The following CDH12 variants were observed in gnomAD, a reference collection of about 807,000 sequenced individuals.
The protein encoded by CDH12 is cadherin 12.
Under a neutral mutation model 74.1 loss-of-function variants are expected in CDH12, and 41 were observed. The ratio of observed to expected loss-of-function variants is 0.55; its 90% CI spans 0.43 to 0.72. The LOEUF (loss-of-function observed/expected upper bound fraction) is 0.72, where lower values mean the gene tolerates loss of function less well. Ranked by LOEUF, CDH12 falls within the 30% of genes least tolerant of loss-of-function variation. The probability of loss-of-function intolerance (pLI) is 0.00; values close to 1 mark genes in which losing one functional copy is unlikely to be tolerated. For missense variants in CDH12, 945 were observed against 977.2 expected (o/e 0.97, Z 0.44); for synonymous variants, 399 against 355.0 (o/e 1.12, Z -1.39).
chr5:21,871,769 C>T lies in CDH12; in HGVS notation c.527-16979G>A, dbSNP rs536507795. Among the ~76,000 whole-genome samples the T allele has an allele frequency of 2.0e-5, 3 of 152,162 alleles. No homozygotes were observed. In the East Asian group the frequency reaches 5.8e-4, roughly 29 times the overall value. ...AAAATAATGCAAATACCTACATACT[C>T]AATCTCTGTTCTCCTGCACCACGTG... On this transcript the variant is annotated intron_variant, in intron 6 of 14. Transcript: ENST00000382254.
At chr5:22,259,946 C>T (rs1467936420) in intron 3 of CDH12, among the ~76,000 whole-genome samples, 5 of 151,886 alleles carry the variant, frequency 3.3e-5, no homozygotes, top group East Asian at 1.9e-4. Context: ...ATTTACCATA[C>T]TGAAGAAAAA....
chr5:21,893,271 A>T (rs1367524732), intron 6 of CDH12, among the ~76,000 whole-genome samples: 1 of 152,146 alleles, frequency 6.6e-6, no homozygotes, highest in Non-Finnish European at 1.5e-5. Flanking sequence ...GGTTGAGGGA[A>T]AAAGAGGGGA....
intron 1 of CDH12, among the ~76,000 whole-genome samples, chr5:22,530,850 A>T (rs781628254): frequency 1.1e-4 from 17 of 152,080 alleles, no homozygotes; most frequent in Admixed American, 7.2e-4. Flanking sequence ...CTGAACAAGG[A>T]CTATCAATCT....
chr5:21,972,535 A>G (rs10055635), intron 6 of CDH12, among the ~76,000 whole-genome samples: 2,211 of 152,274 alleles, frequency 0.015, 54 homozygotes, highest in African/African-American at 0.049. Flanking sequence ...GCAGTGAACT[A>G]TTTCCACCTG....
intron 2 of CDH12, among the ~76,000 whole-genome samples, chr5:22,430,821 C>A (rs1407290629): frequency 1.3e-5 from 2 of 151,956 alleles, no homozygotes; most frequent in Non-Finnish European, 2.9e-5. Context: ...AAATTAGAAA[C>A]TACTTTTTTT....
chr5:21,921,606 TA>T (rs1754356481), intron 6 of CDH12, among the ~76,000 whole-genome samples: 1 of 152,200 alleles, frequency 6.6e-6, no homozygotes, highest in Non-Finnish European at 1.5e-5. Flanking sequence ...CAGCAACGTT[TA>T]CTGGAGTCAG....
chr5:22,411,054 G>C (rs959610814), intron 2 of CDH12, among the ~76,000 whole-genome samples: 1 of 151,944 alleles, frequency 6.6e-6, no homozygotes, highest in Non-Finnish European at 1.5e-5. Context: ...AAAAAGGAAT[G>C]TTGACACCTC....
At chr5:22,066,591 G>C (rs1741579331) in intron 5 of CDH12, among the ~76,000 whole-genome samples, 1 of 152,136 alleles carries the variant, frequency 6.6e-6, no homozygotes, top group Admixed American at 6.5e-5. Context: ...AATGTAATTT[G>C]TATACTCAGC....
At position 22,304,630 on chromosome 5, in the gene CDH12, A is replaced by G. The variant is rs184577207; in HGVS notation, c.-332-91987T>C. Among the ~76,000 whole-genome samples the G allele has an allele frequency of 2.5e-3, 374 of 152,316 alleles. 2 individuals are homozygous for G. The highest frequency in any genetic ancestry group is 3.7e-3 in the Non-Finnish European group (255 of 68,024). On this transcript the variant is annotated intron_variant, in intron 3 of 14. Transcript: ENST00000382254. ...CTTGTATCTTTTCCTGTGTTTATAA[A>G]TGATAGGATGTGAATAATCACTAAC...
chr5:21,940,889 C>T (rs1156984382), intron 6 of CDH12, among the ~76,000 whole-genome samples: 1 of 151,890 alleles, frequency 6.6e-6, no homozygotes, highest in Non-Finnish European at 1.5e-5. Context: ...TTTACAATTA[C>T]TTTGGAAAAA....
intron 1 of CDH12, among the ~76,000 whole-genome samples, chr5:22,776,772 T>A (rs535969134): frequency 6.6e-6 from 1 of 152,246 alleles, no homozygotes; most frequent in African/African-American, 2.4e-5. Flanking sequence ...TATGTCAGAA[T>A]GGTTCTTTCT....
chr5:22,810,240 T>G (rs1487183739), intron 1 of CDH12, among the ~76,000 whole-genome samples: 1 of 152,160 alleles, frequency 6.6e-6, no homozygotes, highest in Admixed American at 6.6e-5. Context: ...TTTTAGTATT[T>G]TATTCAACAA....
At chr5:22,328,523 G>A (rs1419866321) in intron 3 of CDH12, among the ~76,000 whole-genome samples, 1 of 152,090 alleles carries the variant, frequency 6.6e-6, no homozygotes, top group Non-Finnish European at 1.5e-5. Context: ...ATTGATATGT[G>A]GCAACAACTT....
At chr5:22,206,331 G>A (rs1445254095) in intron 4 of CDH12, among the ~76,000 whole-genome samples, 1 of 152,182 alleles carries the variant, frequency 6.6e-6, no homozygotes, top group Non-Finnish European at 1.5e-5. Context: ...CTTAAGGTTT[G>A]AGAGTTGCTG....
chr5:22,838,967 G>A (rs1736965080), intron 1 of CDH12, among the ~76,000 whole-genome samples: 1 of 151,998 alleles, frequency 6.6e-6, no homozygotes, highest in Non-Finnish European at 1.5e-5. Context: ...ATGAGCCACT[G>A]TGCCCAGCCT....
chr5:22,663,417 A>C (rs1188214653), intron 1 of CDH12, among the ~76,000 whole-genome samples: 1 of 152,190 alleles, frequency 6.6e-6, no homozygotes. Context: ...AAAACCGTTT[A>C]TAGCCTAAAA....
intron 5 of CDH12, among the ~76,000 whole-genome samples, chr5:22,017,089 A>G (rs549193938): frequency 8.6e-4 from 131 of 152,176 alleles, no homozygotes; most frequent in Non-Finnish European, 1.1e-3. Flanking sequence ...GTTGGCCACC[A>G]TATCAACTCA....
chr5:22,757,765 A>G (rs952836692), intron 1 of CDH12, among the ~76,000 whole-genome samples: 4 of 152,328 alleles, frequency 2.6e-5, no homozygotes, highest in African/African-American at 7.2e-5. Flanking sequence ...AACAACTTGT[A>G]TAAGTTAGAA....
intron 6 of CDH12, among the ~76,000 whole-genome samples, chr5:21,922,974 A>ATATCTATATCTATATC (rs1431984778): frequency 6.6e-6 from 1 of 150,964 alleles, no homozygotes; most frequent in Non-Finnish European, 1.5e-5. Context: ...ATCTATATCT[A>ATATCTATATCTATATC]TATCTATATA....
Sources: allele counts gnomAD v4.1 joint callset (sites outside exome capture counted in the v4.1 genomes callset), GRCh38; gene constraint gnomAD v4.1.1; transcripts MANE v1.5; gene names NCBI Gene and HGNC (gene_info 2026-07-23, HGNC 2026-07-21).